Variants in DET1 observed in about 807,000 individuals in gnomAD.
The protein encoded by DET1 is DET1 homolog.
In DET1, 22 loss-of-function variants were observed where a neutral mutation model predicts 43.7. That is an observed-to-expected ratio of 0.50 (90% CI 0.36 to 0.72). The LOEUF is 0.72. Among genes scored for constraint, DET1 ranks in the 30% least tolerant of loss-of-function variants. The pLI, the probability that DET1 is intolerant of heterozygous loss-of-function variation, is 0.00. For synonymous variants in DET1, 315 were observed against 266.2 expected, an observed-to-expected ratio of 1.18 and a Z score of -1.79; for missense variants, 713 against 713.3, an observed-to-expected ratio of 1.00 and a Z score of 0.00.
intron 4 of DET1, among the ~76,000 whole-genome samples, chr15:88,515,812 G>A (rs981313): frequency 0.69 from 105,045 of 151,784 alleles, 36,633 homozygotes; most frequent in South Asian, 0.8. Context: ...AGTAGGGGTC[G>A]TGATGGAAAT....
intron 3 of DET1, among the ~76,000 whole-genome samples, chr15:88,521,915 G>A (rs957542935): frequency 2.0e-5 from 3 of 151,074 alleles, no homozygotes; most frequent in African/African-American, 7.3e-5. Context: ...TGAATCCAGT[G>A]GTGCGCTGAT....
intron 1 of DET1, among the ~76,000 whole-genome samples, chr15:88,533,187 T>C (rs188062182): frequency 1.3e-5 from 2 of 152,232 alleles, no homozygotes. Flanking sequence ...AGATAGATGC[T>C]CAACATCACT....
chr15:88,524,794 C>A (rs899678310), intron 3 of DET1, among the ~76,000 whole-genome samples: 2 of 152,108 alleles, frequency 1.3e-5, no homozygotes, highest in Non-Finnish European at 2.9e-5. Flanking sequence ...CTCAAGTACC[C>A]AGGGACACAA....
intron 1 of DET1, among the ~76,000 whole-genome samples, chr15:88,537,743 G>C (rs10152901): frequency 0.07 from 10,598 of 152,096 alleles, 1,266 homozygotes; most frequent in African/African-American, 0.24. Context: ...CCTGTCTAAC[G>C]GGAAGTTCTG....
intron 2 of DET1, among the ~76,000 whole-genome samples, chr15:88,528,157 C>T (rs998891943): frequency 9.2e-5 from 14 of 152,192 alleles, no homozygotes; most frequent in African/African-American, 2.7e-4. Flanking sequence ...ATTCCCTACT[C>T]GCTCCCCAAC....
At position 88,530,681 on chromosome 15, in the gene DET1, A is replaced by T; in HGVS notation, c.1025T>A (p.Leu342Gln). Residue 342 changes from leucine to glutamine, a missense_variant, in exon 2 of 5, where the codon CTG (leucine) becomes CAG (glutamine). Physicochemically the swap from Leu to Gln is moderately radical, Grantham distance 113. Coordinates refer to ENST00000268148, the MANE Select transcript of DET1 (RefSeq NM_001144074.3). ...WKMQLLDENH[L>Q]FIKYTSEDVV... The stretch of plus-strand genomic sequence containing the variant: ...ATCCTCACTAGTGTACTTGATAAAC[A>T]GGTGGTTTTCATCCAGAAGCTGCAT... 6.2e-7 allele frequency: 1 copy of T among 1,613,920 alleles called. No individual in the cohort carries two copies. Among genetic ancestry groups the T allele is most frequent in the Non-Finnish European group, 8.5e-7 (1 of 1,179,838 alleles).
intron 3 of DET1, among the ~76,000 whole-genome samples, chr15:88,517,248 CAG>C: frequency 8.3e-6 from 1 of 120,778 alleles, no homozygotes; most frequent in East Asian, 2.3e-4. Context: ...TTTTTTGAGA[CAG>C]GGTCTCGCTT....
intron 1 of DET1, among the ~76,000 whole-genome samples, chr15:88,541,909 A>ATTGCCTCCCGGCTGTGACC (rs2057117451): frequency 6.6e-6 from 1 of 152,068 alleles, no homozygotes; most frequent in African/African-American, 2.4e-5. Flanking sequence ...TCACCGCCCA[A>ATTGCCTCCCGGCTGTGACC]TTGCCTCCCG....
intron 1 of DET1, among the ~76,000 whole-genome samples, chr15:88,535,382 C>T (rs930821196): frequency 6.6e-6 from 1 of 151,480 alleles, no homozygotes; most frequent in Non-Finnish European, 1.5e-5. Context: ...AGCCTCAGGG[C>T]CCTAGGGAAA....
downstream of DET1, among the ~76,000 whole-genome samples, chr15:88,508,279 A>C (rs573869056): frequency 1.3e-5 from 2 of 152,232 alleles, no homozygotes; most frequent in Non-Finnish European, 2.9e-5. Flanking sequence ...CCCTGTGCCC[A>C]ACCTGTGGAA....
intron 3 of DET1, among the ~76,000 whole-genome samples, chr15:88,517,493 T>C (rs1195931198): frequency 6.6e-6 from 1 of 152,138 alleles, no homozygotes; most frequent in African/African-American, 2.4e-5. Flanking sequence ...CCCAAAATGC[T>C]AGGATTACAG....
At chr15:88,536,278 G>A in intron 1 of DET1, 1 of 765,448 alleles carries the variant, frequency 1.3e-6, no homozygotes, top group South Asian at 1.4e-5. Context: ...TATTATTAAT[G>A]GTCTTTATCT....
intron 2 of DET1, among the ~76,000 whole-genome samples, chr15:88,528,950 A>G (rs575709242): frequency 6.6e-6 from 1 of 152,324 alleles, no homozygotes; most frequent in South Asian, 2.1e-4. Flanking sequence ...GTTTGGATGT[A>G]CTTTTTACTT....
At chr15:88,524,051 C>T (rs4055119) in intron 3 of DET1, among the ~76,000 whole-genome samples, 3 of 151,150 alleles carry the variant, frequency 2.0e-5, no homozygotes, top group Non-Finnish European at 4.4e-5. Context: ...TCTGCCCGGC[C>T]GCCCATCGTC....
intron 1 of DET1, chr15:88,536,243 C>A (rs1483378429): frequency 1.4e-6 from 1 of 726,196 alleles, no homozygotes; most frequent in East Asian, 2.6e-5. Flanking sequence ...TACGTCTGCC[C>A]ACATGAATTT....
chr15:88,540,360 T>G (rs2057073623), intron 1 of DET1, among the ~76,000 whole-genome samples: 1 of 152,008 alleles, frequency 6.6e-6, no homozygotes, highest in Admixed American at 6.6e-5. Context: ...TTCTTTCTGG[T>G]TATGTTAATT....
chr15:88,528,117 C>T (rs1166598817), intron 2 of DET1, among the ~76,000 whole-genome samples: 1 of 152,204 alleles, frequency 6.6e-6, no homozygotes, highest in Non-Finnish European at 1.5e-5. Context: ...TCAAACTGTG[C>T]AAATTCAATA....
intron 1 of DET1, among the ~76,000 whole-genome samples, chr15:88,533,926 A>G (rs2056882911): frequency 6.6e-6 from 1 of 151,720 alleles, no homozygotes; most frequent in Non-Finnish European, 1.5e-5. Flanking sequence ...TCAAATTCAC[A>G]GAAACAAAGA....
chr15:88,528,539 A>C (rs1300340268), intron 2 of DET1, among the ~76,000 whole-genome samples: 1 of 152,248 alleles, frequency 6.6e-6, no homozygotes, highest in Non-Finnish European at 1.5e-5. Context: ...AAAAGCATTC[A>C]AATGCCATAG....
Sources: gnomAD v4.1 joint callset for allele counts (sites outside exome capture counted in the v4.1 genomes callset) on GRCh38, gnomAD v4.1.1 for gene constraint, MANE v1.5 for transcripts, NCBI Gene and HGNC (gene_info 2026-07-23, HGNC 2026-07-21) for gene names.